Variants in NCOA2 observed in about 807,000 individuals in gnomAD.
The protein encoded by NCOA2 is nuclear receptor coactivator 2.
In NCOA2, 21 loss-of-function variants were observed where a neutral mutation model predicts 145.1. The observed-to-expected ratio is 0.14, with a 90% confidence interval of 0.10 to 0.21. NCOA2 has a LOEUF of 0.21. Ranked by LOEUF, NCOA2 falls within the 10% of genes least tolerant of loss-of-function variation. The pLI, the probability that NCOA2 is intolerant of heterozygous loss-of-function variation, is 1.00. For synonymous variants in NCOA2, 619 were observed against 637.5 expected (o/e 0.97, Z 0.44); for missense variants, 1,472 against 1,837.6 (o/e 0.80, Z 3.64).
upstream of NCOA2, among the ~76,000 whole-genome samples, chr8:70,404,385 G>T (rs1336983995): frequency 6.6e-6 from 1 of 152,218 alleles, no homozygotes; most frequent in Non-Finnish European, 1.5e-5. Context: ...GGAGAGCCGA[G>T]TTCCAGGGTC....
chr8:70,241,500 G>C (rs1246775613), intron 2 of NCOA2, among the ~76,000 whole-genome samples: 2 of 152,092 alleles, frequency 1.3e-5, no homozygotes, highest in Non-Finnish European at 2.9e-5. Context: ...AAATGAAACA[G>C]AAGTTCACTA....
chr8:70,413,633 T>C, the NCOA2 span, among the ~76,000 whole-genome samples: 1 of 152,210 alleles, frequency 6.6e-6, no homozygotes, highest in Non-Finnish European at 1.5e-5. Context: ...GAAATAGGCT[T>C]TATAAACATG....
intron 1 of NCOA2, among the ~76,000 whole-genome samples, chr8:70,366,914 G>A (rs950240242): frequency 4.6e-5 from 7 of 152,046 alleles, no homozygotes; most frequent in Non-Finnish European, 7.4e-5. Context: ...AATAAAACAC[G>A]CCTTTTACCC....
chr8:70,452,913 A>G, the NCOA2 span, among the ~76,000 whole-genome samples: 1 of 152,206 alleles, frequency 6.6e-6, no homozygotes, highest in African/African-American at 2.4e-5. Context: ...GATTAGGATA[A>G]AAATCTTCTT....
At chr8:70,452,240 G>T in the NCOA2 span, among the ~76,000 whole-genome samples, 2 of 152,202 alleles carry the variant, frequency 1.3e-5, no homozygotes, top group South Asian at 4.1e-4. Context: ...CCCCCAAAGT[G>T]CTGGGATTAC....
chr8:70,417,275 G>A, the NCOA2 span, among the ~76,000 whole-genome samples: 9 of 117,732 alleles, frequency 7.6e-5, no homozygotes, highest in African/African-American at 2.0e-4. Context: ...AAGGCCAGGC[G>A]CAGGGGCTCA....
intron 4 of NCOA2, among the ~76,000 whole-genome samples, chr8:70,213,080 C>T (rs1819210767): frequency 7.8e-6 from 1 of 128,238 alleles, no homozygotes; most frequent in Non-Finnish European, 1.6e-5. Context: ...GTGAGACTGT[C>T]TCAAAAAAAA....
At chr8:70,118,633 C>CT (rs1221271363) in intron 22 of NCOA2, among the ~76,000 whole-genome samples, 41 of 151,502 alleles carry the variant, frequency 2.7e-4, no homozygotes, top group Admixed American at 1.1e-3. Context: ...CAAATACCCA[C>CT]TTTTTTTTGG....
In NCOA2 at chr8:70,127,044, G is replaced by C; in HGVS notation, c.3685C>G (p.Pro1229Ala). The C allele has an allele frequency of 6.2e-7, 1 of 1,606,390 alleles. No individual in the cohort carries two copies. Among genetic ancestry groups the C allele is most frequent in the Non-Finnish European group, 8.5e-7 (1 of 1,175,570 alleles). ...TGGGCCAGCATCTGTGCATTAATAG[G>C]TGCCTGAAATCCGGGGCAACACATG... Reference protein sequence around the residue: ...TLRPGVPTQAPINAQMLAQRQ... With the variant: ...TLRPGVPTQAAINAQMLAQRQ... The change falls in exon 19 of 23, where the codon CCT becomes GCT. Residue 1229 changes from proline to alanine, a missense_variant. Physicochemically the swap from Pro to Ala is conservative, Grantham distance 27 (BLOSUM62 -1). This residue lies in a region of NCOA2 where 953 missense variants were observed against 1,062.1 expected (regional missense o/e 0.90). Transcript: ENST00000452400.
At chr8:70,229,654 C>T (rs1820964362) in intron 2 of NCOA2, among the ~76,000 whole-genome samples, 1 of 152,104 alleles carries the variant, frequency 6.6e-6, no homozygotes, top group South Asian at 2.1e-4. Flanking sequence ...ACTGCCAGGC[C>T]CTGGACTGAG....
At chr8:70,183,530 C>T (rs577519403) in intron 4 of NCOA2, among the ~76,000 whole-genome samples, 1 of 152,274 alleles carries the variant, frequency 6.6e-6, no homozygotes, top group East Asian at 1.9e-4. Context: ...CGCAGTAAAC[C>T]TCATCTCCCA....
chr8:70,263,575 T>C (rs1824315688), intron 2 of NCOA2, among the ~76,000 whole-genome samples: 1 of 152,034 alleles, frequency 6.6e-6, no homozygotes, highest in South Asian at 2.1e-4. Context: ...ACCTGAAGTA[T>C]TTGGAATACA....
At chr8:70,225,566 AAAAG>A (rs1820557265) in intron 2 of NCOA2, among the ~76,000 whole-genome samples, 5 of 151,592 alleles carry the variant, frequency 3.3e-5, no homozygotes, top group African/African-American at 1.2e-4. Flanking sequence ...AAAAGAAAAG[AAAAG>A]AAAGAAAAGA....
At chr8:70,397,333 G>T (rs745432246) in intron 1 of NCOA2, among the ~76,000 whole-genome samples, 1 of 151,926 alleles carries the variant, frequency 6.6e-6, no homozygotes, top group African/African-American at 2.4e-5. Context: ...TGTGACGGCA[G>T]TCCCAACTAC....
intron 19 of NCOA2, among the ~76,000 whole-genome samples, chr8:70,125,602 T>A (rs182866485): frequency 4.6e-5 from 7 of 152,280 alleles, no homozygotes; most frequent in Middle Eastern, 3.4e-3. Context: ...CAGCTATATA[T>A]CAAAAGTCAA....
intron 2 of NCOA2, among the ~76,000 whole-genome samples, chr8:70,268,216 C>G (rs1824766793): frequency 1.3e-5 from 2 of 152,152 alleles, no homozygotes; most frequent in African/African-American, 4.8e-5. Context: ...ATATACAAGG[C>G]TCATCTCTCT....
chr8:70,309,071 T>G (rs1189920890), intron 1 of NCOA2, among the ~76,000 whole-genome samples: 1 of 152,182 alleles, frequency 6.6e-6, no homozygotes, highest in East Asian at 1.9e-4. Context: ...GCTACGTATG[T>G]ATGACTGCCT....
At chr8:70,308,431 T>C (rs913062697) in intron 1 of NCOA2, among the ~76,000 whole-genome samples, 1 of 152,116 alleles carries the variant, frequency 6.6e-6, no homozygotes, top group Non-Finnish European at 1.5e-5. Context: ...TACTATGAAA[T>C]GAGGTGTGTG....
chr8:70,308,772 T>C (rs544146157), intron 1 of NCOA2, among the ~76,000 whole-genome samples: 4 of 152,202 alleles, frequency 2.6e-5, no homozygotes, highest in Non-Finnish European at 4.4e-5. Flanking sequence ...CACTTGGAAA[T>C]AGTTATTTTG....
Sources: allele counts gnomAD v4.1 joint callset (sites outside exome capture counted in the v4.1 genomes callset), GRCh38; gene constraint gnomAD v4.1.1; regional missense constraint gnomAD v4.1.1; transcripts MANE v1.5; gene names NCBI Gene and HGNC (gene_info 2026-07-23, HGNC 2026-07-21).